SNX14: variants seen among roughly 807,000 people sequenced by gnomAD.
SNX14 encodes sorting nexin-14.
SNX14 carries 93 observed loss-of-function variants against 133.8 expected under a neutral mutation model. The observed-to-expected ratio is 0.70, with a 90% CI of 0.59 to 0.83. The LOEUF (loss-of-function observed/expected upper bound fraction) is 0.83, where lower values mean the gene tolerates loss of function less well. Ranked by LOEUF, SNX14 falls within the 40% of genes least tolerant of loss-of-function variation. SNX14 has a pLI of 0.00. For missense variants in SNX14, 945 were observed against 1,094.9 expected, an observed-to-expected ratio of 0.86 and a Z score of 1.93; for synonymous variants, 368 against 365.6, an observed-to-expected ratio of 1.01 and a Z score of -0.07.
At chr6:85,533,882 A>G in intron 17 of SNX14, 82 bp from the exon 18 acceptor site, 1 of 1,055,198 alleles carries the variant, frequency 9.5e-7, no homozygotes, top group Admixed American at 2.4e-5. Flanking sequence ...ATAAAGTAAT[A>G]TGCCCATATC....
chr6:85,565,570 C>T, intron 5 of SNX14, 151 bp from the exon 6 acceptor site: 1 of 592,068 alleles, frequency 1.7e-6, no homozygotes, highest in South Asian at 2.2e-5. Context: ...GAAAAAAAGA[C>T]ATGTACAAAA....
intron 15 of SNX14, among the ~76,000 whole-genome samples, chr6:85,539,867 A>G (rs1403571973): frequency 6.6e-6 from 1 of 151,964 alleles, no homozygotes; most frequent in African/African-American, 2.4e-5. Flanking sequence ...AAGTGTTCTA[A>G]AAGTAGCCAA....
intron 21 of SNX14, among the ~76,000 whole-genome samples, chr6:85,522,637 T>C (rs939377793): frequency 6.6e-6 from 1 of 152,226 alleles, no homozygotes; most frequent in Non-Finnish European, 1.5e-5. Context: ...TAAGTACCTT[T>C]AGCATCATCC....
At chr6:85,518,390 G>T (rs1775771718) in intron 21 of SNX14, among the ~76,000 whole-genome samples, 1 of 152,036 alleles carries the variant, frequency 6.6e-6, no homozygotes, top group Non-Finnish European at 1.5e-5. Context: ...ATTTTCAAAG[G>T]GTTTTCAGTA....
At chr6:85,581,649 G>A (rs1799098494) in intron 1 of SNX14, 1 of 152,132 alleles carries the variant, frequency 6.6e-6, no homozygotes, top group African/African-American at 2.4e-5. Flanking sequence ...TAACAAAGAA[G>A]CTGAAATAAT....
intron 26 of SNX14, among the ~76,000 whole-genome samples, chr6:85,511,152 C>G (rs528169430): frequency 6.6e-6 from 1 of 151,770 alleles, no homozygotes; most frequent in African/African-American, 2.4e-5. Context: ...GATTACTACC[C>G]AAGTATTCCA....
intron 2 of SNX14, among the ~76,000 whole-genome samples, chr6:85,573,612 A>G (rs1427951598): frequency 6.6e-6 from 1 of 152,262 alleles, no homozygotes; most frequent in Non-Finnish European, 1.5e-5. Flanking sequence ...CTTTGGTTAT[A>G]TAAACTGCCT....
intron 8 of SNX14, 24 bp downstream of exon 8, chr6:85,549,699 T>C: frequency 6.3e-7 from 1 of 1,596,016 alleles, no homozygotes; most frequent in Non-Finnish European, 8.5e-7. Context: ...GCAAATACTA[T>C]TATATTGTCT....
At position 85,547,367 on chromosome 6, in the gene SNX14, AAGG is replaced by A; in HGVS notation, c.940_942del (p.Pro314del). On this transcript the variant is annotated inframe_deletion, in exon 11 of 29. Coordinates refer to ENST00000314673, the MANE Select transcript of SNX14 (RefSeq NM_153816.6). ...GCAAATTTCTGCAAGAATGGAACCA[AAGG>A]AGAAGCCGGTTCAGTTGCTTTTTCA... 6.2e-7 allele frequency: 1 copy of A among 1,613,838 alleles called. No homozygotes were observed. The highest frequency in any genetic ancestry group is 1.7e-5 in the Admixed American group (1 of 59,976).
intron 7 of SNX14, 25 bp from the exon 8 acceptor site, chr6:85,549,904 G>A (rs2128106379): frequency 6.4e-7 from 1 of 1,573,270 alleles, no homozygotes; most frequent in South Asian, 1.2e-5. Flanking sequence ...GATAAATATT[G>A]AAACAAGTTA....
intron 1 of SNX14, among the ~76,000 whole-genome samples, chr6:85,576,158 T>C (rs1797274019): frequency 6.6e-6 from 1 of 152,110 alleles, no homozygotes; most frequent in Admixed American, 6.6e-5. Context: ...GCACAATCAT[T>C]TTTACAGACC....
At chr6:85,507,849 AATTAT>A (rs1771277924) in intron 27 of SNX14, 114 bp downstream of exon 27, 1 of 561,524 alleles carries the variant, frequency 1.8e-6, no homozygotes, top group Admixed American at 4.2e-5. Context: ...GAATGTTTAA[AATTAT>A]ATTGCCTTGG....
At chr6:85,570,830 G>C (rs1163182513) in intron 4 of SNX14, among the ~76,000 whole-genome samples, 1 of 151,860 alleles carries the variant, frequency 6.6e-6, no homozygotes, top group Non-Finnish European at 1.5e-5. Flanking sequence ...TCCAGCCTGG[G>C]TGACAGAGCG....
intron 7 of SNX14, among the ~76,000 whole-genome samples, chr6:85,554,588 TG>T (rs1287072647): frequency 1.3e-5 from 2 of 152,174 alleles, no homozygotes; most frequent in African/African-American, 4.8e-5. Context: ...TTTAGAACAC[TG>T]GGATCTTGGG....
Position 85,547,154 on chromosome 6 carries a change from G to C in SNX14, c.1066C>G (p.Gln356Glu). ...LLFRFMNFLK[Q>E]EGAVHVLQFC... ...TGCAACACGTGCACTGCGCCTTCTT[G>C]TTTCAGAAAGTTCATAAAACGAAAT... The change falls in exon 12 of 29, where the codon CAA (glutamine) becomes GAA (glutamate). Residue 356 changes from glutamine (Q) to glutamate (E), a missense_variant. Physicochemically the swap from Gln to Glu is conservative, Grantham distance 29. Transcript: ENST00000314673. 1.2e-6 allele frequency: 2 copies of C among 1,613,962 alleles called. No individual in the cohort carries two copies. Among genetic ancestry groups the C allele is most frequent in the Non-Finnish European group, 1.7e-6 (2 of 1,179,928 alleles).
In SNX14 at chr6:85,549,764, C is replaced by T; in HGVS notation, c.750G>A (p.Leu250=). 1 of 1,613,660 alleles carries T rather than the reference C, an allele frequency of 6.2e-7. No homozygotes were observed. The highest frequency in any genetic ancestry group is 8.5e-7 in the Non-Finnish European group (1 of 1,179,802). Residue 250 remains leucine (L), a synonymous_variant, in exon 8 of 29, where the codon CTG becomes CTA. Transcript: ENST00000314673. ...ELHYLRKLTE[L]LFPYILPPKA... ...TAGGAGGCAAAATATAAGGAAAAAG[C>T]AGTTCAGTAAGTTTCCTTAAATAGT...
At chr6:85,591,898 A>C (rs1261303020) in intron 1 of SNX14, among the ~76,000 whole-genome samples, 1 of 151,696 alleles carries the variant, frequency 6.6e-6, no homozygotes, top group Non-Finnish European at 1.5e-5. Flanking sequence ...CTGTAGTCCC[A>C]GCTATTCTGC....
intron 5 of SNX14, among the ~76,000 whole-genome samples, chr6:85,566,102 G>A (rs1254481461): frequency 6.6e-6 from 1 of 152,212 alleles, no homozygotes; most frequent in African/African-American, 2.4e-5. Context: ...TACAGAAGGG[G>A]ATATTACAGC....
rs1795828362 is a variant in SNX14, at chr6:85,572,156, A to G, written c.398T>C (p.Val133Ala). The G allele has an allele frequency of 1.2e-6, 2 of 1,613,646 alleles. No homozygotes were observed. Among genetic ancestry groups the G allele is most frequent in the Non-Finnish European group, 1.7e-6 (2 of 1,179,854 alleles). Residue 133 changes from valine (V) to alanine (A), a missense_variant, in exon 4 of 29, where the codon GTT (valine) becomes GCT (alanine). Val to Ala is a moderately conservative substitution (Grantham distance 64). Around this residue, in one of 3 missense-constraint regions of SNX14, gnomAD observed 514 missense variants for 538.8 expected, o/e 0.95. Transcript: ENST00000314673. ...PWLDLKISSK[V>A]DASLSEVLEL... ...AGTTACCTCTGAGAGAGATGCATCA[A>G]CCTTGGAAGAAATTTTCAGGTCTAG...
Sources: gnomAD v4.1 joint callset for allele counts (sites outside exome capture counted in the v4.1 genomes callset) on GRCh38, gnomAD v4.1.1 for gene constraint, gnomAD v4.1.1 regional missense constraint, MANE v1.5 for transcripts, NCBI Gene and HGNC (gene_info 2026-07-23, HGNC 2026-07-21) for gene names.